Variants in HS6ST3 observed in about 807,000 individuals in gnomAD.
HS6ST3 encodes the protein heparan sulfate 6-O-sulfotransferase 3, also known as heparan-sulfate 6-O-sulfotransferase 3.
A neutral mutation model predicts 36.7 loss-of-function variants in HS6ST3; 12 were observed. The ratio of observed to expected loss-of-function variants is 0.33; its 90% CI spans 0.21 to 0.53. HS6ST3 has a LOEUF of 0.53. Among genes scored for constraint, HS6ST3 ranks in the 20% least tolerant of loss-of-function variants. HS6ST3 has a pLI of 0.95. For missense variants in HS6ST3, 584 were observed against 640.9 expected (o/e 0.91, Z 0.96); for synonymous variants, 240 against 257.5 (o/e 0.93, Z 0.65).
intron 1 of HS6ST3, among the ~76,000 whole-genome samples, chr13:96,404,302 A>T (rs2055466425): frequency 6.6e-6 from 1 of 152,162 alleles, no homozygotes; most frequent in Non-Finnish European, 1.5e-5. Flanking sequence ...TGCCCGTAGG[A>T]CACAATTTAG....
At chr13:96,767,301 C>A (rs545542297) in intron 1 of HS6ST3, among the ~76,000 whole-genome samples, 1 of 152,320 alleles carries the variant, frequency 6.6e-6, no homozygotes, top group Non-Finnish European at 1.5e-5. Context: ...CACCAATACA[C>A]AAGCACATAT....
intron 1 of HS6ST3, among the ~76,000 whole-genome samples, chr13:96,709,264 G>A (rs886942160): frequency 6.6e-6 from 1 of 152,168 alleles, no homozygotes; most frequent in Non-Finnish European, 1.5e-5. Flanking sequence ...ATGTAGAACT[G>A]TGAGTCAATT....
At chr13:96,613,077 T>C (rs1330907330) in intron 1 of HS6ST3, among the ~76,000 whole-genome samples, 1 of 152,172 alleles carries the variant, frequency 6.6e-6, no homozygotes, top group East Asian at 1.9e-4. Flanking sequence ...TAAGTAAAAC[T>C]GCAATAAATG....
intron 1 of HS6ST3, among the ~76,000 whole-genome samples, chr13:96,393,212 TA>T (rs1280110250): frequency 1.3e-5 from 2 of 152,094 alleles, no homozygotes; most frequent in Middle Eastern, 3.2e-3. Context: ...TTTTTCTTCA[TA>T]AATGATCCAG....
At chr13:96,786,044 C>T (rs1435636273) in intron 1 of HS6ST3, among the ~76,000 whole-genome samples, 9 of 152,154 alleles carry the variant, frequency 5.9e-5, no homozygotes, top group Middle Eastern at 3.2e-3. Context: ...CTAGGGGGCT[C>T]TACAGGGTGT....
chr13:96,772,617 G>T (rs1877290566), intron 1 of HS6ST3, among the ~76,000 whole-genome samples: 1 of 152,170 alleles, frequency 6.6e-6, no homozygotes, highest in Non-Finnish European at 1.5e-5. Context: ...TGTGAGCAAT[G>T]GGGCTAGAAG....
At chr13:96,319,015 A>C (rs368454630) in intron 1 of HS6ST3, among the ~76,000 whole-genome samples, 1 of 152,188 alleles carries the variant, frequency 6.6e-6, no homozygotes, top group Non-Finnish European at 1.5e-5. Context: ...AATGGTTTTT[A>C]GTCTATTCAC....
At chr13:96,194,723 G>A (rs1429791797) in intron 1 of HS6ST3, among the ~76,000 whole-genome samples, 1 of 152,032 alleles carries the variant, frequency 6.6e-6, no homozygotes, top group African/African-American at 2.4e-5. Flanking sequence ...CTGAAAGTTT[G>A]TATTCTTTGA....
intron 1 of HS6ST3, among the ~76,000 whole-genome samples, chr13:96,623,896 T>C (rs1199960243): frequency 6.6e-6 from 1 of 152,186 alleles, no homozygotes; most frequent in Non-Finnish European, 1.5e-5. Flanking sequence ...CAAGCGTTTA[T>C]TTATTGCCTG....
chr13:96,110,685 A>C (rs1352256998), intron 1 of HS6ST3, among the ~76,000 whole-genome samples: 1 of 151,916 alleles, frequency 6.6e-6, no homozygotes, highest in African/African-American at 2.4e-5. Flanking sequence ...CGGCCTCCCA[A>C]AGTGTTGGGA....
At chr13:96,580,661 CAT>C (rs1234072222) in intron 1 of HS6ST3, among the ~76,000 whole-genome samples, 1 of 152,060 alleles carries the variant, frequency 6.6e-6, no homozygotes. Context: ...CTCTTTAAAT[CAT>C]GTTCTTTTTT....
At chr13:96,236,486 C>G (rs547224592) in intron 1 of HS6ST3, among the ~76,000 whole-genome samples, 4 of 152,012 alleles carry the variant, frequency 2.6e-5, no homozygotes, top group Admixed American at 2.6e-4. Flanking sequence ...GCCACTCTCT[C>G]TTCACTTTCC....
At chr13:96,254,432 AAAAAAAAAAAAAAAAAATATATATATAT>A (rs1566302492) in intron 1 of HS6ST3, among the ~76,000 whole-genome samples, 16 of 55,062 alleles carry the variant, frequency 2.9e-4, no homozygotes, top group African/African-American at 1.1e-3. Flanking sequence ...AAAAAAAAAA[AAAAAAAAAAAAAAAAAATATATATATAT>A]ATATATATAT....
At chr13:96,739,506 C>T (rs9584406) in intron 1 of HS6ST3, among the ~76,000 whole-genome samples, 73,251 of 151,738 alleles carry the variant, frequency 0.48, 18,350 homozygotes, top group African/African-American at 0.63. Context: ...TTTCCCTTCA[C>T]AGGGAATGGC....
At chr13:96,336,551 C>G (rs1411144241) in intron 1 of HS6ST3, among the ~76,000 whole-genome samples, 1 of 152,096 alleles carries the variant, frequency 6.6e-6, no homozygotes, top group African/African-American at 2.4e-5. Flanking sequence ...CCAATATGTA[C>G]AGGGGGAAGA....
chr13:96,595,959 C>T (rs944850865), intron 1 of HS6ST3, among the ~76,000 whole-genome samples: 11 of 150,080 alleles, frequency 7.3e-5, no homozygotes, highest in Non-Finnish European at 3.0e-5. Context: ...TTTTTTGTTT[C>T]AATAGCTTTG....
chr13:96,590,657 G>T (rs2056378785), intron 1 of HS6ST3, among the ~76,000 whole-genome samples: 1 of 151,842 alleles, frequency 6.6e-6, no homozygotes, highest in South Asian at 2.1e-4. Context: ...TCACTTCATT[G>T]ATTGTTATCT....
At chr13:96,266,824 C>T in intron 1 of HS6ST3, among the ~76,000 whole-genome samples, 1 of 152,162 alleles carries the variant, frequency 6.6e-6, no homozygotes, top group Non-Finnish European at 1.5e-5. Context: ...ATTCCAGCTA[C>T]CAATAAATCA....
chr13:96,742,407 G>A (rs1158640449), intron 1 of HS6ST3, among the ~76,000 whole-genome samples: 1 of 152,090 alleles, frequency 6.6e-6, no homozygotes, highest in Admixed American at 6.6e-5. Flanking sequence ...TTAAAATTCA[G>A]CTATATTCTA....
Sources: allele counts gnomAD v4.1 joint callset (sites outside exome capture counted in the v4.1 genomes callset), GRCh38; gene constraint gnomAD v4.1.1; transcripts MANE v1.5; gene names NCBI Gene and HGNC (gene_info 2026-07-23, HGNC 2026-07-21).